USO1: variants seen among roughly 807,000 people sequenced by gnomAD.
USO1 encodes USO1 vesicle transport factor.
In USO1, 57 loss-of-function variants were observed where a neutral mutation model predicts 124.5. The ratio of observed to expected loss-of-function variants is 0.46; its 90% CI spans 0.37 to 0.57. The LOEUF is 0.57. Among genes scored for constraint, USO1 ranks in the 20% least tolerant of loss-of-function variants. USO1 has a pLI of 0.00. For missense variants in USO1, 900 were observed against 1,040.6 expected, an observed-to-expected ratio of 0.86 and a Z score of 1.86; for synonymous variants, 369 against 362.8, an observed-to-expected ratio of 1.02 and a Z score of -0.19.
intron 8 of USO1, among the ~76,000 whole-genome samples, chr4:75,777,271 A>G (rs324706): frequency 0.83 from 126,943 of 152,074 alleles, 53,166 homozygotes; most frequent in East Asian, 1. Context: ...AGCATGGTAG[A>G]TTTGTGAATG....
chr4:75,750,962 T>C (rs1721282994), intron 1 of USO1, among the ~76,000 whole-genome samples: 1 of 152,144 alleles, frequency 6.6e-6, no homozygotes, highest in East Asian at 1.9e-4. Flanking sequence ...AGTTTAAATT[T>C]AGTTTTATAA....
intron 1 of USO1, among the ~76,000 whole-genome samples, chr4:75,739,538 C>CTTTTTTTTTTTTTTTTTTTTTTT (rs753369609): frequency 3.7e-4 from 39 of 105,408 alleles, no homozygotes; most frequent in East Asian, 5.8e-4. Context: ...TTATCTTTTT[C>CTTTTTTTTTTTTTTTTTTTTTTT]TTTTTTTTTT....
At chr4:75,772,800 AAAAT>A (rs1318492703) in intron 7 of USO1, among the ~76,000 whole-genome samples, 1 of 152,174 alleles carries the variant, frequency 6.6e-6, no homozygotes, top group African/African-American at 2.4e-5. Context: ...GCTCTTAAAA[AAAAT>A]AACTGCATTA....
rs751828876 is a variant in USO1 at position 75,808,938 on chromosome 4, A to C, written c.2377-15A>C. The C allele has an allele frequency of 1.9e-6, 3 of 1,579,740 alleles. No individual in the cohort carries two copies. In the Admixed American group the frequency reaches 5.6e-5, roughly 29 times the overall value. ...TACCATTTAATGTTATGACTCAACT[A>C]TTTTTGTCTCTTAGGAACTGGCAAC... On this transcript the variant is annotated splice_polypyrimidine_tract_variant and intron_variant, in intron 20 of 23. Transcript: ENST00000514213.
At chr4:75,749,751 CTTT>C (rs1408641001) in intron 1 of USO1, among the ~76,000 whole-genome samples, 1 of 137,796 alleles carries the variant, frequency 7.3e-6, no homozygotes, top group Non-Finnish European at 1.6e-5. Flanking sequence ...AAACTATGTT[CTTT>C]TTTTTTTTTT....
chr4:75,804,336 A>G, intron 18 of USO1, 64 bp downstream of exon 18: 2 of 1,524,250 alleles, frequency 1.3e-6, no homozygotes, highest in Non-Finnish European at 8.8e-7. Flanking sequence ...GAGCTAGACA[A>G]AGTAAAAGAT....
intron 8 of USO1, among the ~76,000 whole-genome samples, chr4:75,781,638 G>A (rs1032859314): frequency 1.3e-5 from 2 of 152,158 alleles, no homozygotes; most frequent in Non-Finnish European, 2.9e-5. Flanking sequence ...GGACTGACTT[G>A]ATTGTGATAC....
At chr4:75,790,376 ATGATAT>A (rs1722493781) in intron 11 of USO1, 138 bp downstream of exon 11, 2 of 1,238,388 alleles carry the variant, frequency 1.6e-6, no homozygotes, top group African/African-American at 1.5e-5. Flanking sequence ...GACAAGATAA[ATGATAT>A]TGATATTTTA....
rs773498476 is a variant in USO1 at position 75,774,751 on chromosome 4, G to A, written c.631G>A (p.Glu211Lys). The change falls in exon 8 of 24, where the codon GAG becomes AAG. Residue 211 changes from glutamate (E) to lysine (K), a missense_variant. Glu to Lys is a moderately conservative substitution (Grantham distance 56). Around this residue, in one of 2 missense-constraint regions of USO1, gnomAD observed 538 missense variants for 681.6 expected, o/e 0.79. Coordinates refer to ENST00000514213, the MANE Select transcript of USO1 (RefSeq NM_003715.4). ...QKIVAFENAFERLLDIISEEG... is the reference protein window; with the variant it reads ...QKIVAFENAFKRLLDIISEEG... ...AATTGTTGCTTTTGAAAATGCTTTC[G>A]AGAGACTACTGGACATTATTTCAGA... The A allele has an allele frequency of 2.5e-6, 4 of 1,613,686 alleles. No homozygotes were observed. Among genetic ancestry groups the A allele is most frequent in the East Asian group, 2.2e-5 (1 of 44,834 alleles).
chr4:75,766,958 T>C (rs187552698), intron 4 of USO1, among the ~76,000 whole-genome samples: 26 of 152,366 alleles, frequency 1.7e-4, no homozygotes, highest in Non-Finnish European at 2.9e-4. Context: ...GTGTTAGTAA[T>C]GTACCTCATT....
At chr4:75,765,091 G>T (rs1205643070) in intron 4 of USO1, among the ~76,000 whole-genome samples, 1 of 151,978 alleles carries the variant, frequency 6.6e-6, no homozygotes, top group Non-Finnish European at 1.5e-5. Flanking sequence ...GATTTTTAAA[G>T]TTATATATCT....
chr4:75,732,876 T>TAAA lies in USO1; in HGVS notation c.66+8011_66+8013dup, dbSNP rs3059597. ...CCTGGCGACAGAGCGAGATTCCATC[T>TAAA]AAAAAAAAAAAAAAAAAAAAAAGTC... On this transcript the variant is annotated intron_variant, in intron 1 of 23. Transcript: ENST00000514213. Among the ~76,000 whole-genome samples the TAAA allele has an allele frequency of 1.7e-3, 81 of 48,186 alleles. 8 individuals carry two copies. Among genetic ancestry groups the TAAA allele is most frequent in the African/African-American group, 6.8e-3 (71 of 10,416 alleles). The allele number at this position is 48,186 out of a possible 152,430, so 31.6% of individuals were successfully genotyped here.
intron 9 of USO1, 72 bp from the exon 10 acceptor site, chr4:75,786,990 A>C: frequency 6.9e-7 from 1 of 1,447,460 alleles, no homozygotes; most frequent in Non-Finnish European, 9.1e-7. Context: ...TTTCTTGTTC[A>C]CATAGATCAG....
intron 21 of USO1, among the ~76,000 whole-genome samples, chr4:75,810,090 G>A (rs1413728220): frequency 2.0e-5 from 3 of 152,150 alleles, no homozygotes; most frequent in African/African-American, 7.2e-5. Flanking sequence ...TGGACTTATA[G>A]GAAATTTATG....
chr4:75,739,695 C>A (rs1369256040), intron 1 of USO1, among the ~76,000 whole-genome samples: 10 of 151,666 alleles, frequency 6.6e-5, no homozygotes, highest in Admixed American at 6.6e-4. Context: ...TACAGTCATG[C>A]TCCACCACAC....
rs767879860 is a variant in USO1, at chr4:75,770,776, A to C, written c.397-46A>C. On this transcript the variant is annotated intron_variant, in intron 5 of 23. Coordinates refer to ENST00000514213, the MANE Select transcript of USO1 (RefSeq NM_003715.4). ...TTAGTGGAAAAAATGTTTTTCTCGA[A>C]AATGTGAATTACAGATGTTAAATAT... The C allele has an allele frequency of 1.9e-6, 3 of 1,574,890 alleles. No homozygotes were observed. In the East Asian group the frequency reaches 6.7e-5, roughly 35 times the overall value.
intron 8 of USO1, among the ~76,000 whole-genome samples, chr4:75,779,633 G>T (rs1722164262): frequency 6.6e-6 from 1 of 152,190 alleles, no homozygotes; most frequent in African/African-American, 2.4e-5. Flanking sequence ...GACTGAGAGA[G>T]GTGAACAAGC....
chr4:75,724,804 G>C lies in USO1; in HGVS notation c.-16G>C. 6.2e-7 allele frequency: 1 copy of C among 1,613,880 alleles called. No homozygotes were observed. The highest frequency in any genetic ancestry group is 1.1e-5 in the South Asian group (1 of 91,062). On this transcript the variant is annotated 5_prime_UTR_variant, in exon 1 of 24. Coordinates refer to ENST00000514213, the MANE Select transcript of USO1 (RefSeq NM_003715.4). Reference sequence around the variant, plus strand: ...TTTTCCGGAGGGGCCGGTAAACCTGGTGGCTGAACGGCAAGATGAATTTCC... The same window carrying C: ...TTTTCCGGAGGGGCCGGTAAACCTGCTGGCTGAACGGCAAGATGAATTTCC...
intron 9 of USO1, among the ~76,000 whole-genome samples, chr4:75,785,674 T>C (rs1722342122): frequency 6.6e-6 from 1 of 152,110 alleles, no homozygotes; most frequent in South Asian, 2.1e-4. Flanking sequence ...TTTTCTTTAT[T>C]TACATCATCA....
Sources: gnomAD v4.1 joint callset for allele counts (sites outside exome capture counted in the v4.1 genomes callset) on GRCh38, gnomAD v4.1.1 for gene constraint, gnomAD v4.1.1 regional missense constraint, MANE v1.5 for transcripts, NCBI Gene and HGNC (gene_info 2026-07-23, HGNC 2026-07-21) for gene names.